Variants in CCND3 observed in about 807,000 individuals in gnomAD.
CCND3 encodes the protein G1/S-specific cyclin-D3.
CCND3 carries 9 observed loss-of-function variants against 28.7 expected under a neutral mutation model. The ratio of observed to expected loss-of-function variants is 0.31; its 90% CI spans 0.19 to 0.55. CCND3 has a LOEUF of 0.55. Among genes scored for constraint, CCND3 ranks in the 20% least tolerant of loss-of-function variants. The probability of loss-of-function intolerance (pLI) is 0.93; values close to 1 mark genes in which losing one functional copy is unlikely to be tolerated. For missense variants in CCND3, 315 were observed against 385.8 expected (o/e 0.82, Z 1.54); for synonymous variants, 164 against 163.9 (o/e 1.00, Z 0.00).
intron 1 of CCND3, among the ~76,000 whole-genome samples, chr6:41,971,435 A>G (rs1482609914): frequency 1.3e-5 from 2 of 151,940 alleles, no homozygotes; most frequent in Non-Finnish European, 2.9e-5. Flanking sequence ...TGGCTCCAAG[A>G]TGATAATTAT....
At chr6:42,033,489 T>TACACACAC (rs144583266) in intron 1 of CCND3, among the ~76,000 whole-genome samples, 43 of 149,632 alleles carry the variant, frequency 2.9e-4, no homozygotes, top group Admixed American at 1.3e-3. Context: ...TATGCACACA[T>TACACACAC]ACACACACAC....
Position 41,941,126 on chromosome 6 carries a change from CG to C in CCND3, c.198+325del. The stretch of plus-strand genomic sequence containing the variant: ...CCCAGGGTTTTCCAGGCGCGCTCTC[CG>C]GAGAAGGCCGGGAGGCGGAGGGAAG... On this transcript the variant is annotated intron_variant, in intron 1 of 4. Coordinates refer to ENST00000372991, the MANE Select transcript of CCND3 (RefSeq NM_001760.5). This position sits in a 1 kb window ranked among gnomAD's most constrained non-coding sequence, Gnocchi z 6.1. 6.7e-7 allele frequency: 1 copy of C among 1,495,838 alleles called. No homozygotes were observed. Among genetic ancestry groups the C allele is most frequent in the Non-Finnish European group, 8.9e-7 (1 of 1,127,230 alleles). The allele number at this position is 1,495,838 out of a possible 1,614,324, so 92.7% of individuals were successfully genotyped here.
chr6:42,026,518 C>T (rs1280287236), intron 1 of CCND3, among the ~76,000 whole-genome samples: 4 of 152,154 alleles, frequency 2.6e-5, no homozygotes, highest in African/African-American at 9.7e-5. Flanking sequence ...CAGCTGGGAA[C>T]ATTTTTCTCC....
chr6:42,042,399 T>C (rs968597225), intron 1 of CCND3, among the ~76,000 whole-genome samples: 1 of 151,732 alleles, frequency 6.6e-6, no homozygotes, highest in Non-Finnish European at 1.5e-5. Context: ...CCGTTCTTCT[T>C]GCCCAGACTG....
intron 1 of CCND3, among the ~76,000 whole-genome samples, chr6:42,019,347 G>C (rs1247765609): frequency 1.3e-5 from 2 of 151,890 alleles, no homozygotes; most frequent in Non-Finnish European, 2.9e-5. Context: ...AAATTAGCCG[G>C]GTGTGGTGGT....
chr6:42,004,534 C>A (rs539890011), intron 1 of CCND3, among the ~76,000 whole-genome samples: 1 of 152,194 alleles, frequency 6.6e-6, no homozygotes, highest in East Asian at 1.9e-4. Context: ...AGTTCAAGAC[C>A]AGCCTGGCCA....
At chr6:42,043,889 T>A (rs1453865175) in intron 1 of CCND3, among the ~76,000 whole-genome samples, 1 of 152,138 alleles carries the variant, frequency 6.6e-6, no homozygotes, top group Non-Finnish European at 1.5e-5. Context: ...CCTGGGGAAT[T>A]TCACCCAGGG....
intron 1 of CCND3, among the ~76,000 whole-genome samples, chr6:41,981,409 T>G (rs1008786199): frequency 1.8e-4 from 28 of 151,966 alleles, no homozygotes; most frequent in Non-Finnish European, 3.8e-4. Context: ...TTCACTATGT[T>G]GGCCAGGCTG....
intron 1 of CCND3, among the ~76,000 whole-genome samples, chr6:42,033,956 A>G (rs1764119751): frequency 1.3e-5 from 2 of 152,120 alleles, no homozygotes; most frequent in African/African-American, 2.4e-5. Context: ...GGATTTTGAG[A>G]CCAGCCTGGG....
At chr6:42,014,438 T>G (rs569781699) in intron 1 of CCND3, among the ~76,000 whole-genome samples, 1 of 152,202 alleles carries the variant, frequency 6.6e-6, no homozygotes, top group African/African-American at 2.4e-5. Flanking sequence ...GGCAACAATA[T>G]ATTAACTCCC....
At chr6:42,042,725 G>A (rs1562000848) in intron 1 of CCND3, among the ~76,000 whole-genome samples, 1 of 152,140 alleles carries the variant, frequency 6.6e-6, no homozygotes, top group East Asian at 1.9e-4. Context: ...ATAAGAAGCA[G>A]AATAATAATG....
intron 1 of CCND3, among the ~76,000 whole-genome samples, chr6:41,971,519 T>A (rs1378484417): frequency 6.6e-6 from 1 of 151,712 alleles, no homozygotes; most frequent in African/African-American, 2.4e-5. Context: ...TGGATATGAA[T>A]CCAGGTCTGC....
In CCND3 at chr6:41,936,210, G is replaced by T; in HGVS notation, c.712-103C>A. The T allele has an allele frequency of 7.7e-7, 1 of 1,297,992 alleles. No individual in the cohort carries two copies. The highest frequency in any genetic ancestry group is 1.1e-6 in the Non-Finnish European group (1 of 951,402). The allele number at this position is 1,297,992 out of a possible 1,614,324, so 80.4% of individuals were successfully genotyped here. ...CCCAACACATGGGGAAGTCTGGGGAGGTTAGGCCACAGCCCGGCCCCAGGA... is the reference window on the plus strand; with the variant it reads ...CCCAACACATGGGGAAGTCTGGGGATGTTAGGCCACAGCCCGGCCCCAGGA... On this transcript the variant is annotated intron_variant, in intron 4 of 4. Transcript: ENST00000372991. The surrounding 1 kb of genome is among the most constrained non-coding windows in gnomAD (Gnocchi z 4.4).
At chr6:41,989,874 A>C (rs1458541139) in intron 1 of CCND3, among the ~76,000 whole-genome samples, 1 of 152,216 alleles carries the variant, frequency 6.6e-6, no homozygotes, top group South Asian at 2.1e-4. Context: ...ACCTGCACAC[A>C]GATGTTGATA....
chr6:41,935,822 G>T lies in CCND3; in HGVS notation c.*118C>A. 3.0e-6 allele frequency: 3 copies of T among 997,046 alleles called. No homozygotes were observed. 61.8% of individuals were successfully genotyped at this position (997,046 alleles called of 1,614,324 possible). On this transcript the variant is annotated 3_prime_UTR_variant, in exon 5 of 5. Coordinates refer to ENST00000372991, the MANE Select transcript of CCND3 (RefSeq NM_001760.5). ...GGTAGGACCAGATCCCTTGGGCTTT[G>T]TGAAGGGGGAACAGACGCCCCTTCA...
chr6:42,024,976 C>T (rs1352653818), intron 1 of CCND3, among the ~76,000 whole-genome samples: 3 of 151,868 alleles, frequency 2.0e-5, no homozygotes, highest in Admixed American at 6.6e-5. Flanking sequence ...GAGAATCGCT[C>T]GAACCCAGGA....
intron 1 of CCND3, among the ~76,000 whole-genome samples, chr6:42,000,233 A>AATTTTTT (rs1561980601): frequency 3.2e-5 from 1 of 31,234 alleles, no homozygotes; most frequent in Non-Finnish European, 6.0e-5. Context: ...TTGAAAACAT[A>AATTTTTT]CTTTTTTTTT....
At chr6:42,000,923 T>TA (rs1762989881) in intron 1 of CCND3, among the ~76,000 whole-genome samples, 2 of 151,272 alleles carry the variant, frequency 1.3e-5, no homozygotes, top group Non-Finnish European at 2.9e-5. Context: ...ATAATGAAAA[T>TA]ATCACATATT....
At chr6:41,962,026 C>T (rs935143763) in intron 1 of CCND3, among the ~76,000 whole-genome samples, 4 of 152,198 alleles carry the variant, frequency 2.6e-5, no homozygotes, top group Non-Finnish European at 5.9e-5. Flanking sequence ...CCATCTAATA[C>T]TTGGACTCCT....
Sources: gnomAD v4.1 joint callset for allele counts (sites outside exome capture counted in the v4.1 genomes callset) on GRCh38, gnomAD v4.1.1 for gene constraint, Gnocchi (gnomAD v3.1) non-coding constraint, MANE v1.5 for transcripts, NCBI Gene and HGNC (gene_info 2026-07-23, HGNC 2026-07-21) for gene names.